REDIC1: variants seen among roughly 807,000 people sequenced by gnomAD.
REDIC1 encodes the protein regulator of DNA class I crossover intermediates 1, also known as HEI10 Interacting Protein 1.
the REDIC1 span, among the ~76,000 whole-genome samples, chr12:39,714,180 C>CGTATGTATACGTGTAT: frequency 1.1e-4 from 1 of 8,850 alleles, no homozygotes; most frequent in African/African-American, 2.0e-4. Flanking sequence ...TATGTATATA[C>CGTATGTATACGTGTAT]ATGCATATAT....
At chr12:39,692,168 A>G in the REDIC1 span, 1 of 1,366,318 alleles carries the variant, frequency 7.3e-7, no homozygotes, top group Non-Finnish European at 9.8e-7. Context: ...ACAATTAAAT[A>G]GAAATCAGTT....
At chr12:39,657,000 T>C in the REDIC1 span, among the ~76,000 whole-genome samples, 1 of 152,142 alleles carries the variant, frequency 6.6e-6, no homozygotes, top group Non-Finnish European at 1.5e-5. Context: ...TGAAAGAAAT[T>C]TTTAAAAATA....
chr12:39,850,205 G>A, the REDIC1 span, among the ~76,000 whole-genome samples: 1 of 152,122 alleles, frequency 6.6e-6, no homozygotes, highest in African/African-American at 2.4e-5. Flanking sequence ...AACCGAAAAG[G>A]AGTTAGTACT....
the REDIC1 span, among the ~76,000 whole-genome samples, chr12:39,707,050 C>A: frequency 6.6e-6 from 1 of 151,584 alleles, no homozygotes; most frequent in Non-Finnish European, 1.5e-5. Context: ...AACTTCTATA[C>A]AATAAAGGAA....
chr12:39,671,622 C>T, the REDIC1 span, among the ~76,000 whole-genome samples: 43 of 152,102 alleles, frequency 2.8e-4, no homozygotes, highest in African/African-American at 8.2e-4. Context: ...GGTGGTGGGA[C>T]GGACAACCCT....
the REDIC1 span, chr12:39,802,131 G>A: frequency 1.2e-4 from 18 of 152,372 alleles, no homozygotes; most frequent in African/African-American, 3.8e-4. Context: ...TTTCATGGGT[G>A]TGTAATCTTT....
At chr12:39,824,163 T>A in the REDIC1 span, among the ~76,000 whole-genome samples, 1 of 152,242 alleles carries the variant, frequency 6.6e-6, no homozygotes, top group Non-Finnish European at 1.5e-5. Context: ...CACAGATGGC[T>A]ATCATATAAA....
chr12:39,887,662 G>C, the REDIC1 span, among the ~76,000 whole-genome samples: 3 of 152,118 alleles, frequency 2.0e-5, no homozygotes, highest in African/African-American at 7.2e-5. Flanking sequence ...CCATCGCTTA[G>C]GTTAGTTATT....
chr12:39,877,786 AT>A, the REDIC1 span, among the ~76,000 whole-genome samples: 1 of 152,286 alleles, frequency 6.6e-6, no homozygotes, highest in South Asian at 2.1e-4. Flanking sequence ...AGTAGTTTGA[AT>A]TTCTTCTCAA....
chr12:39,736,469 A>G, the REDIC1 span, among the ~76,000 whole-genome samples: 1 of 152,180 alleles, frequency 6.6e-6, no homozygotes, highest in African/African-American at 2.4e-5. Flanking sequence ...TGCCTAAGTA[A>G]GTGGAGTATA....
the REDIC1 span, among the ~76,000 whole-genome samples, chr12:39,903,522 T>C: frequency 6.6e-6 from 1 of 152,016 alleles, no homozygotes; most frequent in African/African-American, 2.4e-5. Context: ...TGAGGGAAGC[T>C]CATGACAAGA....
chr12:39,690,373 A>G, the REDIC1 span, among the ~76,000 whole-genome samples: 2,476 of 152,170 alleles, frequency 0.016, 63 homozygotes, highest in African/African-American at 0.054. Context: ...TTAAAATACA[A>G]TTGTTAACAT....
chr12:39,853,798 C>A, the REDIC1 span, among the ~76,000 whole-genome samples: 2 of 151,930 alleles, frequency 1.3e-5, no homozygotes, highest in Non-Finnish European at 2.9e-5. Context: ...GTGCAGCAAC[C>A]CAGAATTTCA....
At chr12:39,681,756 A>G in the REDIC1 span, among the ~76,000 whole-genome samples, 1 of 152,170 alleles carries the variant, frequency 6.6e-6, no homozygotes, top group Non-Finnish European at 1.5e-5. Flanking sequence ...TCTATTGCCA[A>G]TATATGGCCT....
At chr12:39,674,428 A>G in the REDIC1 span, among the ~76,000 whole-genome samples, 2 of 152,222 alleles carry the variant, frequency 1.3e-5, no homozygotes, top group Admixed American at 6.5e-5. Flanking sequence ...TGGACAGAAC[A>G]GCAGGTAGAG....
the REDIC1 span, chr12:39,736,588 G>C: frequency 6.6e-6 from 1 of 152,164 alleles, no homozygotes; most frequent in Admixed American, 6.5e-5. Flanking sequence ...CCTTATTATG[G>C]GTGAGCCTTA....
the REDIC1 span, among the ~76,000 whole-genome samples, chr12:39,832,911 A>C: frequency 4.6e-5 from 7 of 152,150 alleles, no homozygotes; most frequent in Admixed American, 4.6e-4. Context: ...ACTATAGAGC[A>C]GATGAGTAGC....
chr12:39,861,132 TACTCC>T, the REDIC1 span, among the ~76,000 whole-genome samples: 1 of 152,222 alleles, frequency 6.6e-6, no homozygotes, highest in South Asian at 2.1e-4. Flanking sequence ...CTGTGTGACA[TACTCC>T]ACTCTTCTTT....
the REDIC1 span, chr12:39,646,507 A>G: frequency 6.7e-6 from 10 of 1,491,902 alleles, no homozygotes; most frequent in African/African-American, 1.2e-4. Context: ...TAAACTGGTT[A>G]TTAACAACAC....
Sources: allele counts gnomAD v4.1 joint callset (sites outside exome capture counted in the v4.1 genomes callset), GRCh38; gene constraint gnomAD v4.1.1; transcripts MANE v1.5; gene names NCBI Gene and HGNC (gene_info 2026-07-23, HGNC 2026-07-21).